The following SPAG9 variants were observed in gnomAD, a reference collection of about 807,000 sequenced individuals.
SPAG9 encodes C-Jun-amino-terminal kinase-interacting protein 4.
SPAG9 carries 35 observed loss-of-function variants against 166.5 expected under a neutral mutation model. That is an observed-to-expected ratio of 0.21 (90% CI 0.16 to 0.28). SPAG9 has a LOEUF of 0.28. Ranked by LOEUF, SPAG9 falls within the 10% of genes least tolerant of loss-of-function variation. The pLI, the probability that SPAG9 is intolerant of heterozygous loss-of-function variation, is 1.00. For missense variants in SPAG9, 1,235 were observed against 1,603.3 expected (o/e 0.77, Z 3.92); for synonymous variants, 534 against 565.5 (o/e 0.94, Z 0.79).
At chr17:51,006,771 C>G (rs1312913307) in intron 10 of SPAG9, among the ~76,000 whole-genome samples, 2 of 152,176 alleles carry the variant, frequency 1.3e-5, no homozygotes, top group Non-Finnish European at 2.9e-5. Flanking sequence ...TCAGCTTTTC[C>G]ACATGACTGG....
chr17:51,064,076 A>C (rs1344385108), intron 2 of SPAG9, among the ~76,000 whole-genome samples: 1 of 152,218 alleles, frequency 6.6e-6, no homozygotes, highest in Non-Finnish European at 1.5e-5. Flanking sequence ...GTAGAGGAGT[A>C]AATGAGAGCC....
chr17:50,971,964 ACCAAGTTGGT>A (rs1973857911), intron 28 of SPAG9, among the ~76,000 whole-genome samples: 1 of 151,490 alleles, frequency 6.6e-6, no homozygotes, highest in Non-Finnish European at 1.5e-5. Context: ...ATGGGGTTTC[ACCAAGTTGGT>A]CAGGCTGGTC....
chr17:51,012,854 C>T (rs547794268), intron 9 of SPAG9, among the ~76,000 whole-genome samples: 93 of 151,326 alleles, frequency 6.1e-4, no homozygotes, highest in Non-Finnish European at 1.1e-3. Flanking sequence ...TTCAAGCCAT[C>T]CTCACACCTC....
chr17:51,014,554 T>A (rs559820662), intron 8 of SPAG9: 1 of 473,194 alleles, frequency 2.1e-6, no homozygotes, highest in African/African-American at 2.0e-5. Context: ...GTGAAGAAAT[T>A]ATAGAATGTT....
At chr17:50,979,040 A>G (rs1974393748) in intron 26 of SPAG9, among the ~76,000 whole-genome samples, 1 of 152,042 alleles carries the variant, frequency 6.6e-6, no homozygotes, top group South Asian at 2.1e-4. Context: ...GTGGGAAATA[A>G]GAGAAGAGGA....
At chr17:50,983,515 C>G (rs974538583) in intron 24 of SPAG9, among the ~76,000 whole-genome samples, 1 of 152,162 alleles carries the variant, frequency 6.6e-6, no homozygotes, top group Non-Finnish European at 1.5e-5. Context: ...AGGCTTAAGG[C>G]ATTAAACTCA....
intron 6 of SPAG9, chr17:51,030,892 T>C (rs1292902124): frequency 1.3e-5 from 2 of 150,048 alleles, no homozygotes; most frequent in Non-Finnish European, 2.9e-5. Context: ...GCCCAGCATA[T>C]CAAGCCTGAC....
rs372084340 is a variant in SPAG9, at chr17:51,091,103, TC to T, written c.304-11400del. ...ATGACTCTGTCTCCACGAAACCCTG[TC>T]TCCACGAAAAATATGAAAATTAGCC... On this transcript the variant is annotated intron_variant, in intron 1 of 29. Transcript: ENST00000262013. Among the ~76,000 whole-genome samples, 9 of 151,390 alleles carry T rather than the reference TC, an allele frequency of 5.9e-5. No individual in the cohort carries two copies. In the East Asian group the frequency reaches 1.7e-3, roughly 29 times the overall value.
At chr17:51,049,082 T>C (rs1421487297) in intron 3 of SPAG9, among the ~76,000 whole-genome samples, 2 of 152,156 alleles carry the variant, frequency 1.3e-5, no homozygotes, top group African/African-American at 4.8e-5. Flanking sequence ...CAAAAGGTTT[T>C]AGAAGGCCTA....
chr17:50,969,683 T>C (rs981040407), intron 29 of SPAG9, among the ~76,000 whole-genome samples: 3 of 152,164 alleles, frequency 2.0e-5, no homozygotes. Flanking sequence ...TTTTCTTCCA[T>C]TAAAATGGTT....
Position 50,964,156 on chromosome 17 carries a change from A to G in SPAG9, c.*2116T>C, listed in dbSNP as rs1344206913. On this transcript the variant is annotated 3_prime_UTR_variant, in exon 30 of 30. Coordinates refer to ENST00000262013, the MANE Select transcript of SPAG9 (RefSeq NM_001130528.3). ...ATCTTTGTATAATAGTCCAGAAAAA[A>G]AAAATCAGTGGTACTTAAGAATGTT... The G allele has an allele frequency of 6.6e-6, 1 of 152,180 alleles. No homozygotes were observed. The highest frequency in any genetic ancestry group is 1.5e-5 in the Non-Finnish European group (1 of 68,048). 9.4% of individuals were successfully genotyped at this position (152,180 alleles called of 1,614,324 possible).
At chr17:50,971,111 G>T (rs1055570491) in intron 28 of SPAG9, among the ~76,000 whole-genome samples, 2 of 152,076 alleles carry the variant, frequency 1.3e-5, no homozygotes, top group African/African-American at 4.8e-5. Flanking sequence ...CCAGGAGATT[G>T]GGACCAGCCT....
intron 2 of SPAG9, among the ~76,000 whole-genome samples, chr17:51,065,291 C>T (rs2047632275): frequency 6.6e-6 from 1 of 151,988 alleles, no homozygotes; most frequent in Admixed American, 6.6e-5. Context: ...CCTCAGCCTC[C>T]CAAATTCCTG....
chr17:51,120,728 A>C lies in SPAG9; in HGVS notation c.-72T>G. On this transcript the variant is annotated 5_prime_UTR_variant, in exon 1 of 30. Transcript: ENST00000262013. This position sits in a 1 kb window ranked among gnomAD's most constrained non-coding sequence, Gnocchi z 4.7. The stretch of plus-strand genomic sequence containing the variant: ...GGCGGCACCTGCCCGCACGGGACGG[A>C]CCCGACTCGGGCTGGGACGGGTACT... 1.5e-6 allele frequency: 2 copies of C among 1,372,450 alleles called. No homozygotes were observed. Among genetic ancestry groups the C allele is most frequent in the South Asian group, 1.4e-5 (1 of 72,794 alleles). The allele number at this position is 1,372,450 out of a possible 1,614,324, so 85.0% of individuals were successfully genotyped here. A position where few individuals can be genotyped will look rare whatever the true frequency, so the allele number is the denominator to read the frequency against.
At chr17:51,082,436 T>C (rs1305004241) in intron 1 of SPAG9, among the ~76,000 whole-genome samples, 1 of 148,852 alleles carries the variant, frequency 6.7e-6, no homozygotes, top group African/African-American at 2.5e-5. Context: ...CTCTCCTCCC[T>C]GTTTATTTTC....
chr17:50,990,903 T>C (rs1004484403), intron 19 of SPAG9, among the ~76,000 whole-genome samples: 1 of 148,236 alleles, frequency 6.7e-6, no homozygotes, highest in Non-Finnish European at 1.5e-5. Flanking sequence ...TGTCAGAAAA[T>C]AAACTTTTTT....
At chr17:51,009,206 G>A in intron 9 of SPAG9, 1 of 440,104 alleles carries the variant, frequency 2.3e-6, no homozygotes, top group Admixed American at 2.5e-5. Flanking sequence ...CAGAAAGCAA[G>A]AACTAAACTC....
intron 17 of SPAG9, 57 bp downstream of exon 17, chr17:50,995,387 G>GA (rs941144115): frequency 7.1e-5 from 103 of 1,458,726 alleles, no homozygotes; most frequent in African/African-American, 1.9e-4. Flanking sequence ...TTTGGTTTTA[G>GA]AAAAAAAACT....
At chr17:51,010,453 G>A (rs2045421340) in intron 9 of SPAG9, among the ~76,000 whole-genome samples, 1 of 151,830 alleles carries the variant, frequency 6.6e-6, no homozygotes, top group Non-Finnish European at 1.5e-5. Flanking sequence ...AAAGTATGAA[G>A]AGTGGTATAA....
Sources: allele counts gnomAD v4.1 joint callset (sites outside exome capture counted in the v4.1 genomes callset), GRCh38; gene constraint gnomAD v4.1.1; non-coding constraint Gnocchi (gnomAD v3.1); transcripts MANE v1.5; gene names NCBI Gene and HGNC (gene_info 2026-07-23, HGNC 2026-07-21).